TNNI3K: variants seen among roughly 807,000 people sequenced by gnomAD.
TNNI3K encodes serine/threonine-protein kinase TNNI3K.
A neutral mutation model predicts 114.5 loss-of-function variants in TNNI3K; 140 were observed. The ratio of observed to expected loss-of-function variants is 1.22; its 90% CI spans 1.07 to 1.41. TNNI3K has a LOEUF of 1.41. Among genes scored for constraint, TNNI3K ranks in the 40% most tolerant of loss-of-function variants. The pLI, the probability that TNNI3K is intolerant of heterozygous loss-of-function variation, is 0.00. For missense variants in TNNI3K, 1,125 were observed against 1,007.6 expected (o/e 1.12, Z -1.58); for synonymous variants, 347 against 347.5 (o/e 1.00, Z 0.02).
At chr1:74,412,703 CT>C (rs889800471) in intron 17 of TNNI3K, among the ~76,000 whole-genome samples, 1 of 152,176 alleles carries the variant, frequency 6.6e-6, no homozygotes, top group Non-Finnish European at 1.5e-5. Flanking sequence ...GAACCTCCCC[CT>C]CCAGGGTTCC....
chr1:74,447,078 A>G (rs1439131467), intron 20 of TNNI3K, among the ~76,000 whole-genome samples: 1 of 150,630 alleles, frequency 6.6e-6, no homozygotes, highest in Non-Finnish European at 1.5e-5. Context: ...TTCTGTGAAG[A>G]AAGTCATTGG....
intron 21 of TNNI3K, chr1:74,480,615 C>A: frequency 1.4e-6 from 1 of 717,238 alleles, no homozygotes; most frequent in Non-Finnish European, 2.6e-6. Context: ...AAAGAACTGT[C>A]TGTGAGATTA....
chr1:74,354,181 A>G (rs775247280), intron 11 of TNNI3K, 52 bp downstream of exon 11: 8 of 1,599,052 alleles, frequency 5.0e-6, no homozygotes, highest in Admixed American at 1.7e-5. Context: ...CTGTGTGCAT[A>G]GATTATGTCA....
chr1:74,345,970 A>G (rs1360038095), intron 9 of TNNI3K: 6 of 152,302 alleles, frequency 3.9e-5, no homozygotes, highest in Admixed American at 3.3e-4. Flanking sequence ...ATTTCCTTGC[A>G]TCTTGAAATT....
intron 17 of TNNI3K, among the ~76,000 whole-genome samples, chr1:74,412,089 A>G (rs1051184822): frequency 6.6e-6 from 1 of 152,212 alleles, no homozygotes; most frequent in Non-Finnish European, 1.5e-5. Flanking sequence ...CACAGATTAG[A>G]TAAAAGAGCC....
intron 2 of TNNI3K, among the ~76,000 whole-genome samples, chr1:74,241,911 G>A (rs189786954): frequency 1.0e-3 from 153 of 149,226 alleles, no homozygotes; most frequent in African/African-American, 3.6e-3. Context: ...GTGCAGTGGC[G>A]CGATCTAGGC....
intron 23 of TNNI3K, among the ~76,000 whole-genome samples, chr1:74,533,666 T>A (rs1367878967): frequency 1.3e-5 from 2 of 151,942 alleles, no homozygotes; most frequent in Admixed American, 6.6e-5. Context: ...CCAACCCAAA[T>A]GTCCAACAAT....
rs577293446 is a variant in TNNI3K, at chr1:74,345,625, CCCTT to C, written c.932+2451_932+2454del. ...TTTTTTCTAGAACCAAGTCCCTATG[CCCTT>C]CCTTTAGCCATTATTTAGTTGGGGC... On this transcript the variant is annotated intron_variant, in intron 9 of 24. Transcript: ENST00000326637. 1.2e-3 allele frequency among the ~76,000 whole-genome samples: 189 copies of C among 152,260 alleles called. 1 individual carries two copies. Among genetic ancestry groups the C allele is most frequent in the Middle Eastern group, 3.4e-3 (1 of 292 alleles).
intron 5 of TNNI3K, among the ~76,000 whole-genome samples, chr1:74,327,758 TTA>T (rs944560787): frequency 1.0e-4 from 15 of 148,438 alleles, no homozygotes; most frequent in African/African-American, 3.4e-4. Flanking sequence ...AGATGTATAT[TTA>T]TGTCAGTTAT....
chr1:74,479,688 T>A (rs1668381600), intron 21 of TNNI3K, among the ~76,000 whole-genome samples: 1 of 152,214 alleles, frequency 6.6e-6, no homozygotes, highest in African/African-American at 2.4e-5. Flanking sequence ...GCCCTCTGAC[T>A]CTTACTATAC....
chr1:74,482,540 A>T (rs1668559325), intron 21 of TNNI3K, among the ~76,000 whole-genome samples: 1 of 152,044 alleles, frequency 6.6e-6, no homozygotes. Context: ...GACAACATCT[A>T]CCTCCTAATT....
chr1:74,446,498 C>A (rs970527460), intron 20 of TNNI3K, among the ~76,000 whole-genome samples: 32 of 148,048 alleles, frequency 2.2e-4, no homozygotes, highest in Admixed American at 2.1e-3. Context: ...GTTGCCTGTT[C>A]ACTCTGATGG....
At chr1:74,355,115 C>T (rs914280396) in intron 11 of TNNI3K, among the ~76,000 whole-genome samples, 5 of 151,918 alleles carry the variant, frequency 3.3e-5, no homozygotes, top group Admixed American at 2.0e-4. Context: ...TAAAAAAATG[C>T]CAGATTTTAA....
At chr1:74,471,366 T>A (rs1281498857) in intron 21 of TNNI3K, 2 of 400,724 alleles carry the variant, frequency 5.0e-6, no homozygotes, top group East Asian at 7.1e-5. Context: ...AAGTTTTGGA[T>A]AATTTCTTAG....
At chr1:74,325,723 CTT>C (rs1235671251) in intron 5 of TNNI3K, among the ~76,000 whole-genome samples, 1 of 151,982 alleles carries the variant, frequency 6.6e-6, no homozygotes, top group Non-Finnish European at 1.5e-5. Flanking sequence ...GGAGATGACT[CTT>C]TAAAAAATTG....
In TNNI3K at chr1:74,312,294, G is replaced by A. The variant is rs185023223; in HGVS notation, c.445-19156G>A. Among the ~76,000 whole-genome samples the A allele has an allele frequency of 9.9e-4, 151 of 152,292 alleles. 1 individual carries two copies. The highest frequency in any genetic ancestry group is 3.5e-3 in the African/African-American group (146 of 41,562). On this transcript the variant is annotated intron_variant, in intron 5 of 24. Coordinates refer to ENST00000326637, the MANE Select transcript of TNNI3K (RefSeq NM_015978.3). ...CCTGCCAAAGAGGGCAGTGCCTGGAGGTCCTCCTAGCTTCTTGGTAATCCT... is the reference window on the plus strand; with the variant it reads ...CCTGCCAAAGAGGGCAGTGCCTGGAAGTCCTCCTAGCTTCTTGGTAATCCT...
chr1:74,341,243 T>A (rs776331467), intron 7 of TNNI3K, among the ~76,000 whole-genome samples: 3 of 152,224 alleles, frequency 2.0e-5, no homozygotes, highest in Non-Finnish European at 4.4e-5. Context: ...AGACTGTAGG[T>A]TATTTGAGAG....
At chr1:74,395,106 G>T (rs1336392157) in intron 17 of TNNI3K, among the ~76,000 whole-genome samples, 1 of 151,976 alleles carries the variant, frequency 6.6e-6, no homozygotes, top group Middle Eastern at 3.2e-3. Flanking sequence ...TGACATCCGG[G>T]AAGACTGTGA....
Position 74,353,298 on chromosome 1 carries a change from T to A in TNNI3K, c.965T>A (p.Val322Asp). 1 of 1,613,742 alleles carries A rather than the reference T, an allele frequency of 6.2e-7. No homozygotes were observed. The highest frequency in any genetic ancestry group is 8.5e-7 in the Non-Finnish European group (1 of 1,179,904). Residue 322 changes from valine to aspartate, a missense_variant, in exon 10 of 25, where the codon GTC becomes GAC. Transcript: ENST00000326637. ...ACTYGKSIDLVKFLLDQNVIN... is the reference protein window; with the variant it reads ...ACTYGKSIDLDKFLLDQNVIN... Reference sequence around the variant, plus strand: ...ACCTATGGCAAGAGCATTGACCTAGTCAAATTTCTTCTTGATCAGAATGTC... The same window carrying A: ...ACCTATGGCAAGAGCATTGACCTAGACAAATTTCTTCTTGATCAGAATGTC...
Sources: allele counts gnomAD v4.1 joint callset (sites outside exome capture counted in the v4.1 genomes callset), GRCh38; gene constraint gnomAD v4.1.1; transcripts MANE v1.5; gene names NCBI Gene and HGNC (gene_info 2026-07-23, HGNC 2026-07-21).